GAK: variants seen among roughly 807,000 people sequenced by gnomAD.
The protein encoded by GAK is cyclin-G-associated kinase.
In GAK, 79 loss-of-function variants were observed where a neutral mutation model predicts 143.9. The ratio of observed to expected loss-of-function variants is 0.55; its 90% CI spans 0.46 to 0.66. The LOEUF (loss-of-function observed/expected upper bound fraction) is 0.66. GAK is among the 30% of genes least tolerant of loss of function. The pLI, the probability that GAK is intolerant of heterozygous loss-of-function variation, is 0.00. For missense variants in GAK, 1,693 were observed against 1,779.7 expected (o/e 0.95, Z 0.88); for synonymous variants, 881 against 765.5 (o/e 1.15, Z -2.49).
chr4:887,830 C>G (rs1468720227), intron 11 of GAK: 1 of 152,490 alleles, frequency 6.6e-6, no homozygotes, highest in Non-Finnish European at 1.5e-5. Flanking sequence ...CACAAGGACT[C>G]ACAAGCACCA....
chr4:916,806 A>G (rs1723153027), intron 1 of GAK, among the ~76,000 whole-genome samples: 1 of 152,242 alleles, frequency 6.6e-6, no homozygotes, highest in Non-Finnish European at 1.5e-5. Flanking sequence ...AAAGGTGAAC[A>G]TAAATCAACA....
rs555412076 is a variant in GAK at position 910,995 on chromosome 4, G to A, written c.382+678C>T. 2.0e-5 allele frequency among the ~76,000 whole-genome samples: 3 copies of A among 151,482 alleles called. No individual in the cohort carries two copies. The East Asian group carries it at 5.9e-4, about 30-fold the overall frequency. ...TCTCCGGCCAGTCAGCGTGGGCTCC[G>A]GTGACACCAACACGACATCCCCCGC... On this transcript the variant is annotated intron_variant, in intron 4 of 27. Transcript: ENST00000314167.
chr4:886,026 G>T (rs926252886), intron 11 of GAK: 1 of 152,196 alleles, frequency 6.6e-6, no homozygotes, highest in Admixed American at 6.5e-5. Flanking sequence ...TCGGCCCCCC[G>T]AAGTGCTGGG....
intron 1 of GAK, among the ~76,000 whole-genome samples, chr4:922,185 G>A (rs1163018536): frequency 6.6e-6 from 1 of 152,088 alleles, no homozygotes; most frequent in Non-Finnish European, 1.5e-5. Flanking sequence ...CTTATAAGAT[G>A]AAGACACACC....
chr4:925,379 T>C (rs997114407), intron 1 of GAK, among the ~76,000 whole-genome samples: 11 of 152,230 alleles, frequency 7.2e-5, no homozygotes, highest in Admixed American at 2.0e-4. Context: ...GCGTGTAGGA[T>C]GCACGGAGCA....
chr4:909,503 C>T (rs932388675), intron 4 of GAK, among the ~76,000 whole-genome samples: 13 of 152,174 alleles, frequency 8.5e-5, no homozygotes, highest in Non-Finnish European at 8.8e-5. Context: ...ACTGCATGGA[C>T]GCACGGGAGG....
intron 4 of GAK, among the ~76,000 whole-genome samples, chr4:906,499 T>C (rs1287538882): frequency 1.3e-5 from 2 of 152,024 alleles, no homozygotes; most frequent in Non-Finnish European, 2.9e-5. Context: ...GACTGAAGCA[T>C]TCACACTGCC....
chr4:921,974 T>C (rs780280413), intron 1 of GAK, among the ~76,000 whole-genome samples: 3 of 152,116 alleles, frequency 2.0e-5, no homozygotes, highest in Non-Finnish European at 2.9e-5. Flanking sequence ...TCGCTACACA[T>C]GTATCACAAT....
At chr4:912,604 CA>C in intron 3 of GAK, 130 bp downstream of exon 3, 1 of 679,720 alleles carries the variant, frequency 1.5e-6, no homozygotes, top group Non-Finnish European at 2.4e-6. Context: ...TTGGTAAAAG[CA>C]AAAAGCCGAT....
At chr4:887,772 C>CT (rs1716799205) in intron 11 of GAK, 1 of 152,384 alleles carries the variant, frequency 6.6e-6, no homozygotes, top group Non-Finnish European at 1.5e-5. Flanking sequence ...TGCTCATACA[C>CT]GTGCCTGCAC....
intron 24 of GAK, among the ~76,000 whole-genome samples, chr4:857,661 C>T (rs989807281): frequency 6.6e-6 from 1 of 152,178 alleles, no homozygotes; most frequent in Non-Finnish European, 1.5e-5. Context: ...CACCATCCCC[C>T]ATATCGATGA....
intron 4 of GAK, 51 bp from the exon 5 acceptor site, chr4:904,830 A>C (rs763552855): frequency 1.3e-6 from 2 of 1,577,204 alleles, no homozygotes; most frequent in South Asian, 2.3e-5. Context: ...GTCCGGAGAC[A>C]GGGAACCTAG....
chr4:909,252 C>T (rs991384058), intron 4 of GAK, among the ~76,000 whole-genome samples: 12 of 152,282 alleles, frequency 7.9e-5, no homozygotes, highest in Non-Finnish European at 7.3e-5. Flanking sequence ...TGCGTGCTCC[C>T]GACAAATCTT....
chr4:890,346 G>C (rs1242747985), intron 10 of GAK, among the ~76,000 whole-genome samples, 186 bp downstream of exon 10: 1 of 152,178 alleles, frequency 6.6e-6, no homozygotes, highest in Non-Finnish European at 1.5e-5. Context: ...GCTTTGCTGA[G>C]CTCTGTGAGC....
intron 1 of GAK, among the ~76,000 whole-genome samples, chr4:928,012 A>T (rs551414149): frequency 6.6e-6 from 1 of 152,234 alleles, no homozygotes; most frequent in African/African-American, 2.4e-5. Context: ...CACAAGTCCT[A>T]TGTGGGAAGA....
chr4:873,165 G>T (rs1306995111), intron 18 of GAK, among the ~76,000 whole-genome samples: 1 of 152,230 alleles, frequency 6.6e-6, no homozygotes, highest in Admixed American at 6.5e-5. Context: ...TCCTTTTAAT[G>T]TATGCATTTG....
intron 11 of GAK, chr4:888,642 T>G: frequency 6.6e-5 from 38 of 577,796 alleles, no homozygotes; most frequent in Middle Eastern, 9.7e-4. Context: ...CCCCAGGCGA[T>G]GAAAGGAAAG....
Position 849,360 on chromosome 4 carries a change from C to T in GAK, c.*313G>A. The T allele has an allele frequency of 4.5e-6, 2 of 439,962 alleles. No homozygotes were observed. The highest frequency in any genetic ancestry group is 8.4e-6 in the Non-Finnish European group (2 of 237,068). 27.3% of individuals were successfully genotyped at this position (439,962 alleles called of 1,614,324 possible). On this transcript the variant is annotated 3_prime_UTR_variant, in exon 28 of 28. Coordinates refer to ENST00000314167, the MANE Select transcript of GAK (RefSeq NM_005255.4). ...TGCAAACACCAGGGCCCATGAGCGC[C>T]AGCAGCGTGGCCCACCACGTGCCGG...
chr4:890,123 G>C (rs572343936), intron 10 of GAK, among the ~76,000 whole-genome samples: 1 of 152,254 alleles, frequency 6.6e-6, no homozygotes, highest in Non-Finnish European at 1.5e-5. Context: ...CCCAAAAGGG[G>C]TGTCTGTTTC....
Sources: allele counts gnomAD v4.1 joint callset (sites outside exome capture counted in the v4.1 genomes callset), GRCh38; gene constraint gnomAD v4.1.1; transcripts MANE v1.5; gene names NCBI Gene and HGNC (gene_info 2026-07-23, HGNC 2026-07-21).